The following RAD51B variants were observed in gnomAD, a reference collection of about 807,000 sequenced individuals.
RAD51B encodes RAD51 paralog B, also known as DNA repair protein RAD51 homolog 2.
A neutral mutation model predicts 42.2 loss-of-function variants in RAD51B; 38 were observed. That is an observed-to-expected ratio of 0.90 (90% confidence interval 0.70 to 1.18). RAD51B has a LOEUF of 1.18. RAD51B is among the 50% of genes most tolerant of loss of function. RAD51B has a pLI of 0.00. For missense variants in RAD51B, 373 were observed against 400.7 expected (o/e 0.93, Z 0.59); for synonymous variants, 154 against 145.2 (o/e 1.06, Z -0.43).
intron 7 of RAD51B, among the ~76,000 whole-genome samples, chr14:68,058,928 C>T (rs140947437): frequency 1.3e-5 from 2 of 152,192 alleles, no homozygotes; most frequent in African/African-American, 4.8e-5. Context: ...CAAGGGCCAG[C>T]ATTTGATGTC....
In RAD51B at chr14:68,391,136, GTCTTTCTTTCTTTCTTTCTT is replaced by G. The variant is rs36073427; in HGVS notation, c.854-20259_854-20240del. 2.0e-3 allele frequency among the ~76,000 whole-genome samples: 281 copies of G among 141,676 alleles called. 1 individual carries two copies. Among genetic ancestry groups the G allele is most frequent in the African/African-American group, 7.2e-3 (264 of 36,900 alleles). The allele number at this position is 141,676 out of a possible 152,430, so 92.9% of individuals were successfully genotyped here. A position where few individuals can be genotyped will look rare whatever the true frequency, so the allele number is the denominator to read the frequency against. The stretch of plus-strand genomic sequence containing the variant: ...ATAAATTATTAAATTTATGAGACTT[GTCTTTCTTTCTTTCTTTCTT>G]TCTTTCTTTCTTTCTTTCTTTCTTT... On this transcript the variant is annotated intron_variant, in intron 8 of 10. Transcript: ENST00000471583.
chr14:68,623,502 G>A (rs1468667851), intron 10 of RAD51B, among the ~76,000 whole-genome samples: 1 of 152,258 alleles, frequency 6.6e-6, no homozygotes, highest in Non-Finnish European at 1.5e-5. Flanking sequence ...ATAGAAGGCA[G>A]ATGGGGGCTG....
In RAD51B at chr14:68,341,934, A is replaced by G. The variant is rs75303607; in HGVS notation, c.853+49954A>G. ...TAGTGCACTTTCACATCCTGTGGCA[A>G]ACAAAAATCTTTCACTAATGGAAAG... is the stretch of plus-strand genomic sequence containing the variant. On this transcript the variant is annotated intron_variant, in intron 8 of 10. Coordinates refer to ENST00000471583, the MANE Select transcript of RAD51B (RefSeq NM_133510.4). 3.9e-3 allele frequency among the ~76,000 whole-genome samples: 593 copies of G among 152,300 alleles called. 11 individuals are homozygous for G. The East Asian group carries it at 0.055, about 14-fold the overall frequency.
chr14:68,438,877 A>C (rs4902586), intron 9 of RAD51B, among the ~76,000 whole-genome samples: 84,929 of 152,000 alleles, frequency 0.56, 24,195 homozygotes, highest in East Asian at 0.88. Flanking sequence ...GAGTGGCATC[A>C]GTAGCTAATT....
At chr14:68,421,124 C>T (rs1260446616) in intron 9 of RAD51B, among the ~76,000 whole-genome samples, 2 of 152,184 alleles carry the variant, frequency 1.3e-5, no homozygotes, top group Non-Finnish European at 2.9e-5. Context: ...CTTCTTCTTG[C>T]TTTTTTTCTC....
At chr14:68,591,572 T>A (rs1166496491) in intron 10 of RAD51B, among the ~76,000 whole-genome samples, 3 of 152,212 alleles carry the variant, frequency 2.0e-5, no homozygotes, top group African/African-American at 7.2e-5. Context: ...ATGGGTCTGA[T>A]GCTCTTCTTC....
chr14:68,510,200 G>C (rs1885629393), intron 10 of RAD51B, among the ~76,000 whole-genome samples: 1 of 152,140 alleles, frequency 6.6e-6, no homozygotes, highest in Admixed American at 6.5e-5. Flanking sequence ...GAGTTTGTGG[G>C]ACACACAATT....
At chr14:68,104,019 A>T (rs1307734447) in intron 7 of RAD51B, among the ~76,000 whole-genome samples, 1 of 152,160 alleles carries the variant, frequency 6.6e-6, no homozygotes. Flanking sequence ...CGCAGGTTTC[A>T]GAAGAGCTGA....
chr14:68,521,504 A>G (rs925438683), intron 10 of RAD51B, among the ~76,000 whole-genome samples: 1 of 152,224 alleles, frequency 6.6e-6, no homozygotes, highest in Non-Finnish European at 1.5e-5. Flanking sequence ...GTGTGTAGGT[A>G]TTAGGAAGAG....
chr14:68,183,333 C>A (rs1034569508), intron 7 of RAD51B, among the ~76,000 whole-genome samples: 1 of 148,756 alleles, frequency 6.7e-6, no homozygotes, highest in Non-Finnish European at 1.5e-5. Context: ...GTCTGATGTT[C>A]AAGCGCAGGA....
chr14:68,353,254 A>G (rs1459031019), intron 8 of RAD51B, among the ~76,000 whole-genome samples: 1 of 152,230 alleles, frequency 6.6e-6, no homozygotes, highest in African/African-American at 2.4e-5. Context: ...ACACTGAATT[A>G]TGGTCATGCT....
At chr14:68,500,827 G>A (rs891799700) in intron 10 of RAD51B, among the ~76,000 whole-genome samples, 1 of 152,178 alleles carries the variant, frequency 6.6e-6, no homozygotes, top group African/African-American at 2.4e-5. Flanking sequence ...TCCCTGCTTT[G>A]CCACAAATAG....
chr14:68,523,084 T>C (rs1300878005), intron 10 of RAD51B, among the ~76,000 whole-genome samples: 1 of 152,212 alleles, frequency 6.6e-6, no homozygotes, highest in African/African-American at 2.4e-5. Flanking sequence ...TGTTTTGGTG[T>C]ACATATTTGA....
intron 10 of RAD51B, among the ~76,000 whole-genome samples, chr14:68,586,930 A>G (rs865985078): frequency 6.6e-6 from 1 of 152,052 alleles, no homozygotes; most frequent in African/African-American, 2.4e-5. Context: ...ACTTGAACCT[A>G]GGAGGCAGAG....
At chr14:68,259,502 A>G (rs921764572) in intron 7 of RAD51B, among the ~76,000 whole-genome samples, 4 of 152,210 alleles carry the variant, frequency 2.6e-5, no homozygotes, top group Non-Finnish European at 5.9e-5. Flanking sequence ...CTCAGAGCAC[A>G]AATAGAGTAC....
At chr14:68,480,180 C>A (rs956461610), downstream of RAD51B, among the ~76,000 whole-genome samples, 3 of 152,096 alleles carry the variant, frequency 2.0e-5, no homozygotes, top group African/African-American at 7.2e-5. Flanking sequence ...TCAAGCAATT[C>A]TCCTGCCTCA....
rs910757328 is a variant in RAD51B, at chr14:68,495,337, C to T, written c.1036+27087C>T. ...ACCCCTTTGTCTTCCACTGGCGCAA[C>T]CGAGAGAGGATTCCTCCGAGCCCCT... On this transcript the variant is annotated intron_variant, in intron 10 of 10. Coordinates refer to the RAD51B transcript ENST00000487270. Among the ~76,000 whole-genome samples the T allele has an allele frequency of 1.3e-4, 20 of 152,274 alleles. 1 individual carries two copies. The South Asian group carries it at 4.1e-3, about 32-fold the overall frequency.
chr14:68,613,964 A>G (rs113879610), downstream of RAD51B, among the ~76,000 whole-genome samples: 1,474 of 152,328 alleles, frequency 9.7e-3, 22 homozygotes, highest in African/African-American at 0.032. Flanking sequence ...CGTAAAATCA[A>G]AAGAGTGGTG....
chr14:68,053,354 G>A (rs763661248), intron 7 of RAD51B, among the ~76,000 whole-genome samples: 18 of 152,164 alleles, frequency 1.2e-4, no homozygotes, highest in Non-Finnish European at 1.9e-4. Context: ...TTTGACATAA[G>A]TTGTCCAGGT....
Sources: gnomAD v4.1 joint callset for allele counts (sites outside exome capture counted in the v4.1 genomes callset) on GRCh38, gnomAD v4.1.1 for gene constraint, MANE v1.5 for transcripts, NCBI Gene and HGNC (gene_info 2026-07-23, HGNC 2026-07-21) for gene names.